Variants in SHROOM3 observed in about 807,000 individuals in gnomAD.
The protein encoded by SHROOM3 is protein Shroom3.
SHROOM3 carries 47 observed loss-of-function variants against 138.6 expected under a neutral mutation model. That is an observed-to-expected ratio of 0.34 (90% CI 0.27 to 0.43). The LOEUF (loss-of-function observed/expected upper bound fraction) is 0.43. SHROOM3 is among the 20% of genes least tolerant of loss of function. The probability of loss-of-function intolerance (pLI) is 1.00; values close to 1 mark genes in which losing one functional copy is unlikely to be tolerated. For missense variants in SHROOM3, 2,491 were observed against 2,596.5 expected, an observed-to-expected ratio of 0.96 and a Z score of 0.88; for synonymous variants, 1,062 against 1,063.3, an observed-to-expected ratio of 1.00 and a Z score of 0.02.
rs996574199 is a variant in SHROOM3 at position 76,444,344 on chromosome 4, G to T, written c.168+8124G>T. 4.0e-5 allele frequency among the ~76,000 whole-genome samples: 6 copies of T among 150,980 alleles called. 1 individual carries two copies. Among genetic ancestry groups the T allele is most frequent in the African/African-American group, 1.5e-4 (6 of 41,314 alleles). On this transcript the variant is annotated intron_variant, in intron 1 of 10. Transcript: ENST00000296043. ...GTGAGGTTTTCCAGCATAGAAAAAAGCTTACATCCCAGACAATATAGGGCT... is the reference window on the plus strand; with the variant it reads ...GTGAGGTTTTCCAGCATAGAAAAAATCTTACATCCCAGACAATATAGGGCT...
intron 1 of SHROOM3, among the ~76,000 whole-genome samples, chr4:76,445,575 A>C (rs190619330): frequency 1.3e-5 from 2 of 152,278 alleles, no homozygotes; most frequent in East Asian, 3.9e-4. Context: ...AAGTTCTAGA[A>C]ACAAAAAGAA....
chr4:76,754,620 G>A lies in SHROOM3; in HGVS notation c.4137G>A (p.Pro1379=), dbSNP rs770954765. ...QDGQTGRQPL[P]PYTPAMMHRS... ...GTCAGACAGGGCGACAGCCTCTCCC[G>A]CCCTACACCCCTGCCATGATGCACA... is the stretch of plus-strand genomic sequence containing the variant. Residue 1379 remains proline (P), a synonymous_variant, in exon 7 of 11, where the codon CCG becomes CCA. Coordinates refer to ENST00000296043, the MANE Select transcript of SHROOM3 (RefSeq NM_020859.4). 17 of 1,613,968 alleles carry A rather than the reference G, an allele frequency of 1.1e-5. No individual in the cohort carries two copies. Among genetic ancestry groups the A allele is most frequent in the South Asian group, 7.7e-5 (7 of 91,074 alleles).
At chr4:76,697,289 C>T (rs767482636) in intron 2 of SHROOM3, among the ~76,000 whole-genome samples, 1 of 151,904 alleles carries the variant, frequency 6.6e-6, no homozygotes, top group African/African-American at 2.4e-5. Flanking sequence ...AATTCCTTCT[C>T]ATTTAGAGTC....
chr4:76,774,708 G>GTTTTTTT (rs1158392432), intron 10 of SHROOM3, among the ~76,000 whole-genome samples: 1 of 133,450 alleles, frequency 7.5e-6, no homozygotes, highest in African/African-American at 2.7e-5. Flanking sequence ...GGTTTTTTGG[G>GTTTTTTT]GTTTTTTTTT....
At chr4:76,551,850 A>G (rs544426889) in intron 1 of SHROOM3, among the ~76,000 whole-genome samples, 1 of 151,782 alleles carries the variant, frequency 6.6e-6, no homozygotes, top group South Asian at 2.1e-4. Context: ...AAAATGGGAA[A>G]AAGAAGAATT....
chr4:76,741,374 C>G lies in SHROOM3; in HGVS notation c.3201C>G (p.Ala1067=), dbSNP rs146601691. The G allele has an allele frequency of 6.2e-7, 1 of 1,604,296 alleles. No individual in the cohort carries two copies. The change falls in exon 5 of 11, where the codon GCC becomes GCG. Residue 1067 remains alanine (A), a synonymous_variant. Transcript: ENST00000296043. The surrounding 1 kb of genome is among the most constrained non-coding windows in gnomAD (Gnocchi z 6.2). ...GTCTCTTCGAGCGCGATGGCAAGGC[C>G]TGCTCCACGCTCAGCCTGTCGGGGC... The part of the protein sequence containing the change: ...RRRLFERDGK[A]CSTLSLSGPE...
intron 2 of SHROOM3, among the ~76,000 whole-genome samples, chr4:76,630,552 C>T (rs1735286104): frequency 6.6e-6 from 1 of 152,138 alleles, no homozygotes; most frequent in Non-Finnish European, 1.5e-5. Context: ...GTTGCTCAGG[C>T]CAGGTTTTGG....
chr4:76,556,639 G>C (rs920066857), intron 2 of SHROOM3, among the ~76,000 whole-genome samples: 5 of 152,192 alleles, frequency 3.3e-5, no homozygotes, highest in African/African-American at 1.2e-4. Flanking sequence ...TTAGATTTCA[G>C]CTGCCTCACA....
chr4:76,644,563 C>CG (rs200589427), intron 2 of SHROOM3, among the ~76,000 whole-genome samples: 4 of 148,902 alleles, frequency 2.7e-5, no homozygotes. Context: ...TCAGGACATA[C>CG]GGGGTTTTTT....
Position 76,740,590 on chromosome 4 carries a change from G to T in SHROOM3, c.2417G>T (p.Gly806Val), listed in dbSNP as rs1578008652. 1.2e-6 allele frequency: 2 copies of T among 1,614,020 alleles called. No individual in the cohort carries two copies. The highest frequency in any genetic ancestry group is 1.7e-6 in the Non-Finnish European group (2 of 1,180,042). ...CCGAGTGTGGGCGGCTCTGGTTTTG[G>T]CCATAACTATAGGCCCCACAGGACC... Reference protein sequence around the residue: ...QRPSVGGSGFGHNYRPHRTVS... With the variant: ...QRPSVGGSGFVHNYRPHRTVS... Residue 806 changes from glycine to valine, a missense_variant, in exon 5 of 11, where the codon GGC (glycine) becomes GTC (valine). By Grantham distance (109) the Gly-to-Val change is moderately radical. This residue lies in a region of SHROOM3 where 1,733 missense variants were observed against 1,661.6 expected (regional missense o/e 1.04). Coordinates refer to ENST00000296043, the MANE Select transcript of SHROOM3 (RefSeq NM_020859.4). This position sits in a 1 kb window ranked among gnomAD's most constrained non-coding sequence, Gnocchi z 4.0.
intron 1 of SHROOM3, among the ~76,000 whole-genome samples, chr4:76,505,483 A>C (rs1474401768): frequency 6.6e-6 from 1 of 152,160 alleles, no homozygotes; most frequent in African/African-American, 2.4e-5. Flanking sequence ...ACATCCATAC[A>C]TACAATTGGC....
intron 2 of SHROOM3, among the ~76,000 whole-genome samples, chr4:76,617,619 C>T (rs925351222): frequency 3.3e-5 from 5 of 152,144 alleles, no homozygotes; most frequent in African/African-American, 1.2e-4. Flanking sequence ...CATTGCATTA[C>T]AGAAATGTAA....
intron 1 of SHROOM3, among the ~76,000 whole-genome samples, chr4:76,455,852 T>TCCC (rs1731016811): frequency 6.6e-6 from 1 of 152,100 alleles, no homozygotes; most frequent in African/African-American, 2.4e-5. Context: ...AAAACGTGCA[T>TCCC]CCCCAGCAAC....
At chr4:76,612,548 T>C (rs1448747837) in intron 2 of SHROOM3, among the ~76,000 whole-genome samples, 2 of 152,156 alleles carry the variant, frequency 1.3e-5, no homozygotes, top group East Asian at 3.8e-4. Flanking sequence ...TCATATAAAA[T>C]ATCAGCTGCT....
At position 76,505,495 on chromosome 4, in the gene SHROOM3, C is replaced by G. The variant is rs566471863; in HGVS notation, c.169-50114C>G. Reference sequence around the variant, plus strand: ...TATACATCCATACATACAATTGGCCCTCTGTATCTGTGGGTTCTGCATCTA... The same window carrying G: ...TATACATCCATACATACAATTGGCCGTCTGTATCTGTGGGTTCTGCATCTA... On this transcript the variant is annotated intron_variant, in intron 1 of 10. Coordinates refer to ENST00000296043, the MANE Select transcript of SHROOM3 (RefSeq NM_020859.4). Among the ~76,000 whole-genome samples the G allele has an allele frequency of 5.9e-5, 9 of 152,182 alleles. No homozygotes were observed. In the South Asian group the frequency reaches 1.2e-3, roughly 21 times the overall value.
At chr4:76,459,775 A>G (rs1217948444) in intron 1 of SHROOM3, among the ~76,000 whole-genome samples, 1 of 152,162 alleles carries the variant, frequency 6.6e-6, no homozygotes, top group Non-Finnish European at 1.5e-5. Context: ...TGCTAGCATT[A>G]GTATTGCAGC....
At chr4:76,726,064 C>A (rs1032337090) in intron 3 of SHROOM3, among the ~76,000 whole-genome samples, 29 of 152,106 alleles carry the variant, frequency 1.9e-4, no homozygotes, top group African/African-American at 7.0e-4. Flanking sequence ...ACCTTTAGCC[C>A]CATCCTAAAG....
At chr4:76,466,895 A>G (rs1731259962) in intron 1 of SHROOM3, among the ~76,000 whole-genome samples, 1 of 152,278 alleles carries the variant, frequency 6.6e-6, no homozygotes, top group African/African-American at 2.4e-5. Flanking sequence ...GGCTTATGAG[A>G]AAGTAAAATA....
At chr4:76,481,526 C>A (rs1484697856) in intron 1 of SHROOM3, among the ~76,000 whole-genome samples, 1 of 150,960 alleles carries the variant, frequency 6.6e-6, no homozygotes, top group Admixed American at 6.6e-5. Context: ...AAAAAAAAAG[C>A]CCAGGACCAG....
Sources: allele counts gnomAD v4.1 joint callset (sites outside exome capture counted in the v4.1 genomes callset), GRCh38; gene constraint gnomAD v4.1.1; regional missense constraint gnomAD v4.1.1; non-coding constraint Gnocchi (gnomAD v3.1); transcripts MANE v1.5; gene names NCBI Gene and HGNC (gene_info 2026-07-23, HGNC 2026-07-21).